CLYBL: variants seen among roughly 807,000 people sequenced by gnomAD.
CLYBL encodes the protein citramalyl-CoA lyase, also known as citramalyl-CoA lyase, mitochondrial.
In CLYBL, 31 loss-of-function variants were observed where a neutral mutation model predicts 38.9. The observed-to-expected ratio is 0.80, with a 90% CI of 0.60 to 1.08. The LOEUF (loss-of-function observed/expected upper bound fraction) is 1.08, where lower values mean the gene tolerates loss of function less well. Among genes scored for constraint, CLYBL ranks in the 50% least tolerant of loss-of-function variants. The pLI is 0.00. For missense variants in CLYBL, 434 were observed against 411.6 expected (o/e 1.05, Z -0.47); for synonymous variants, 171 against 158.6 (o/e 1.08, Z -0.59).
intron 2 of CLYBL, among the ~76,000 whole-genome samples, chr13:99,851,676 T>C (rs911501769): frequency 1.1e-4 from 17 of 152,090 alleles, no homozygotes; most frequent in Admixed American, 7.2e-4. Context: ...AAGAAAGACA[T>C]GTGGTAGTAA....
chr13:99,751,996 C>T (rs562425152), intron 1 of CLYBL, among the ~76,000 whole-genome samples: 4 of 152,214 alleles, frequency 2.6e-5, no homozygotes, highest in Middle Eastern at 3.4e-3. Flanking sequence ...GGGTTCAGAT[C>T]GCCAGTCCCT....
intron 1 of CLYBL, chr13:99,642,946 C>T (rs2047118338): frequency 1.3e-5 from 2 of 153,004 alleles, no homozygotes; most frequent in Admixed American, 1.3e-4. Context: ...TTTGTAGAGC[C>T]AAGGTCTTAC....
intron 1 of CLYBL, among the ~76,000 whole-genome samples, chr13:99,609,279 C>T (rs568441734): frequency 6.9e-6 from 1 of 144,864 alleles, no homozygotes; most frequent in Non-Finnish European, 1.5e-5. Context: ...CGGGTTCAAG[C>T]GATTCTCCTG....
intron 1 of CLYBL, among the ~76,000 whole-genome samples, chr13:99,747,776 C>T (rs150857485): frequency 6.6e-5 from 10 of 152,306 alleles, no homozygotes; most frequent in Middle Eastern, 3.4e-3. Flanking sequence ...TTTGTACAGC[C>T]TACCTTAGGA....
At chr13:99,657,037 G>C (rs574837788) in intron 1 of CLYBL, among the ~76,000 whole-genome samples, 2 of 152,286 alleles carry the variant, frequency 1.3e-5, no homozygotes, top group African/African-American at 4.8e-5. Flanking sequence ...CTCCTGCCTG[G>C]TTCAATTCTG....
chr13:99,649,083 G>A, intron 1 of CLYBL, among the ~76,000 whole-genome samples: 1 of 151,988 alleles, frequency 6.6e-6, no homozygotes, highest in East Asian at 1.9e-4. Flanking sequence ...GACAGCCAAT[G>A]TGTTTGGCTT....
chr13:99,723,666 C>T (rs894714029), intron 1 of CLYBL, among the ~76,000 whole-genome samples: 11 of 152,170 alleles, frequency 7.2e-5, no homozygotes, highest in African/African-American at 2.2e-4. Context: ...CATGGGCACA[C>T]GGGCATCTTC....
At chr13:99,867,624 A>G (rs932483612) in intron 6 of CLYBL, among the ~76,000 whole-genome samples, 4 of 152,294 alleles carry the variant, frequency 2.6e-5, no homozygotes, top group African/African-American at 9.6e-5. Flanking sequence ...GTCCTCTGCC[A>G]CATCCATGCA....
At chr13:99,667,366 C>T (rs2047497179) in intron 1 of CLYBL, among the ~76,000 whole-genome samples, 2 of 152,112 alleles carry the variant, frequency 1.3e-5, no homozygotes, top group South Asian at 4.1e-4. Context: ...GTTTCCCCCT[C>T]CCCACCCACA....
chr13:99,861,192 C>T (rs1324072372), intron 3 of CLYBL, among the ~76,000 whole-genome samples: 2 of 152,098 alleles, frequency 1.3e-5, no homozygotes, highest in African/African-American at 4.8e-5. Flanking sequence ...CACTAGTTAC[C>T]TTTTGTGTTA....
chr13:99,697,994 CAGGTA>C (rs1375442796), intron 1 of CLYBL, among the ~76,000 whole-genome samples: 1 of 152,056 alleles, frequency 6.6e-6, no homozygotes, highest in Non-Finnish European at 1.5e-5. Flanking sequence ...ACTGGGCCAA[CAGGTA>C]TATTTGGGAA....
chr13:99,896,844 G>A (rs1182491742), downstream of CLYBL: 1 of 152,212 alleles, frequency 6.6e-6, no homozygotes, highest in African/African-American at 2.4e-5. Context: ...TTTGCTGAGA[G>A]TAAAGATGTC....
intron 1 of CLYBL, among the ~76,000 whole-genome samples, chr13:99,646,236 G>C (rs2047173893): frequency 6.6e-6 from 1 of 152,142 alleles, no homozygotes; most frequent in African/African-American, 2.4e-5. Flanking sequence ...GTATTCAGTA[G>C]TAAATCTACT....
chr13:99,697,276 C>G (rs1463345182), intron 1 of CLYBL, among the ~76,000 whole-genome samples: 3 of 152,210 alleles, frequency 2.0e-5, no homozygotes, highest in African/African-American at 7.2e-5. Context: ...AGGATCCGCC[C>G]ATAGTTTTAT....
At chr13:99,834,394 C>A (rs2050888122) in intron 2 of CLYBL, among the ~76,000 whole-genome samples, 1 of 152,112 alleles carries the variant, frequency 6.6e-6, no homozygotes, top group South Asian at 2.1e-4. Context: ...ATATAGGGGG[C>A]TTATGAGAGA....
intron 1 of CLYBL, among the ~76,000 whole-genome samples, chr13:99,702,768 C>T (rs1018820109): frequency 2.0e-5 from 3 of 152,170 alleles, no homozygotes; most frequent in African/African-American, 7.2e-5. Flanking sequence ...TAAGATGCTC[C>T]TTGGAAAATA....
Position 99,819,450 on chromosome 13 carries a change from ATATATAT to A in CLYBL, c.250-39410_250-39404del, listed in dbSNP as rs1566340211. On this transcript the variant is annotated intron_variant, in intron 2 of 8. Coordinates refer to ENST00000339105, the MANE Select transcript of CLYBL (RefSeq NM_206808.5). ...TATATATATATATATATATATATATATATATATATATATATATAATATTTGTCAGGGT... is the reference window on the plus strand; with the variant it reads ...TATATATATATATATATATATATATAATATATATATAATATTTGTCAGGGT... Among the ~76,000 whole-genome samples the A allele has an allele frequency of 3.4e-4, 29 of 84,740 alleles. 2 individuals carry two copies. Among genetic ancestry groups the A allele is most frequent in the African/African-American group, 1.3e-3 (29 of 22,116 alleles). 55.6% of individuals were successfully genotyped at this position (84,740 alleles called of 152,430 possible).
intron 1 of CLYBL, among the ~76,000 whole-genome samples, chr13:99,644,004 C>CAAAA: frequency 1.1e-5 from 1 of 89,120 alleles, no homozygotes; most frequent in Non-Finnish European, 2.1e-5. Context: ...GACTCTGTCT[C>CAAAA]AAAAAAAAAA....
At chr13:99,753,096 C>T (rs531511405) in intron 1 of CLYBL, among the ~76,000 whole-genome samples, 59 of 152,094 alleles carry the variant, frequency 3.9e-4, no homozygotes, top group African/African-American at 1.4e-3. Flanking sequence ...TCCAGAAGAG[C>T]CTTCCAGAGA....
Sources: allele counts gnomAD v4.1 joint callset (sites outside exome capture counted in the v4.1 genomes callset), GRCh38; gene constraint gnomAD v4.1.1; transcripts MANE v1.5; gene names NCBI Gene and HGNC (gene_info 2026-07-23, HGNC 2026-07-21).